Variants in MNAT1 observed in about 807,000 individuals in gnomAD.
The protein encoded by MNAT1 is CDK-activating kinase assembly factor MAT1.
In MNAT1, 43 loss-of-function variants were observed where a neutral mutation model predicts 42.0. The observed-to-expected ratio is 1.02, with a 90% CI of 0.80 to 1.32. MNAT1 has a LOEUF of 1.32. Ranked by LOEUF, MNAT1 falls within the 40% of genes most tolerant of loss-of-function variation. The probability of loss-of-function intolerance (pLI) is 0.00; values close to 1 mark genes in which losing one functional copy is unlikely to be tolerated. For synonymous variants in MNAT1, 118 were observed against 120.0 expected (o/e 0.98, Z 0.11); for missense variants, 306 against 350.4 (o/e 0.87, Z 1.01).
intron 1 of MNAT1, among the ~76,000 whole-genome samples, chr14:60,736,452 A>G (rs1896312360): frequency 6.6e-6 from 1 of 152,206 alleles, no homozygotes; most frequent in Non-Finnish European, 1.5e-5. Flanking sequence ...TATTTATTTT[A>G]ATTGAAATTG....
chr14:60,762,721 A>AAG (rs1179831670), intron 1 of MNAT1, among the ~76,000 whole-genome samples: 17 of 151,318 alleles, frequency 1.1e-4, no homozygotes, highest in Admixed American at 1.3e-4. Flanking sequence ...AAAAAAAAAA[A>AAG]AAAAGACATT....
intron 6 of MNAT1, among the ~76,000 whole-genome samples, chr14:60,837,795 T>G (rs995122054): frequency 2.0e-5 from 3 of 152,238 alleles, no homozygotes; most frequent in African/African-American, 7.2e-5. Context: ...CTAGGACTTA[T>G]GACTCTTAGG....
rs1178293547 is a variant in MNAT1, at chr14:60,761,762, T to G, written c.89+26811T>G. Among the ~76,000 whole-genome samples, 4 of 152,328 alleles carry G rather than the reference T, an allele frequency of 2.6e-5. No homozygotes were observed. The East Asian group carries it at 7.7e-4, about 29-fold the overall frequency. ...CATATTCATAGTTACAGAATGATCT[T>G]ATCTTTTGCCCTAGTAATTAGGTTT... On this transcript the variant is annotated intron_variant, in intron 1 of 7. Coordinates refer to ENST00000261245, the MANE Select transcript of MNAT1 (RefSeq NM_002431.4).
intron 7 of MNAT1, among the ~76,000 whole-genome samples, chr14:60,927,817 C>T (rs2035797359): frequency 6.6e-6 from 1 of 152,014 alleles, no homozygotes; most frequent in African/African-American, 2.4e-5. Context: ...CTGCATTTAC[C>T]CAATGAGTAT....
At position 60,752,285 on chromosome 14, in the gene MNAT1, T is replaced by C. The variant is rs145093857; in HGVS notation, c.89+17334T>C. On this transcript the variant is annotated intron_variant, in intron 1 of 7. Coordinates refer to ENST00000261245, the MANE Select transcript of MNAT1 (RefSeq NM_002431.4). ...CCAGATGCTGTATTTTTGAGATCTA[T>C]TGGAGCATAAGTGAGGACCAGTTAA... Among the ~76,000 whole-genome samples, 8 of 152,350 alleles carry C rather than the reference T, an allele frequency of 5.3e-5. No individual in the cohort carries two copies. In the East Asian group the frequency reaches 1.3e-3, roughly 26 times the overall value.
intron 6 of MNAT1, among the ~76,000 whole-genome samples, chr14:60,870,561 A>G (rs2034306018): frequency 6.6e-6 from 1 of 151,852 alleles, no homozygotes; most frequent in South Asian, 2.1e-4. Context: ...ATTCCCCCAC[A>G]CCCATTTCTT....
intron 7 of MNAT1, among the ~76,000 whole-genome samples, chr14:60,932,082 A>G (rs2035899225): frequency 6.6e-6 from 1 of 151,972 alleles, no homozygotes; most frequent in African/African-American, 2.4e-5. Flanking sequence ...TCAATTTTAT[A>G]TTATCAAGTT....
intron 7 of MNAT1, among the ~76,000 whole-genome samples, chr14:60,941,755 A>T (rs1352167024): frequency 1.3e-5 from 2 of 151,700 alleles, no homozygotes; most frequent in African/African-American, 4.8e-5. Context: ...CTGTAATCCC[A>T]GCACTTTGGG....
At chr14:60,751,087 C>T (rs984895867) in intron 1 of MNAT1, among the ~76,000 whole-genome samples, 1 of 151,524 alleles carries the variant, frequency 6.6e-6, no homozygotes, top group African/African-American at 2.4e-5. Context: ...TTTTATGTCT[C>T]CCTCCACCTT....
chr14:60,849,080 C>G (rs925050138), intron 6 of MNAT1, among the ~76,000 whole-genome samples: 2 of 152,134 alleles, frequency 1.3e-5, no homozygotes, highest in Admixed American at 1.3e-4. Flanking sequence ...AGGACAAAAA[C>G]AGATGGAAAG....
chr14:60,913,563 C>T lies in MNAT1; in HGVS notation c.809+33728C>T, dbSNP rs58073559. Among the ~76,000 whole-genome samples the T allele has an allele frequency of 2.6e-3, 398 of 152,300 alleles. 1 individual carries two copies. The highest frequency in any genetic ancestry group is 9.1e-3 in the African/African-American group (379 of 41,550). On this transcript the variant is annotated intron_variant, in intron 7 of 7. Coordinates refer to ENST00000261245, the MANE Select transcript of MNAT1 (RefSeq NM_002431.4). Reference sequence around the variant, plus strand: ...TTCTAACAGTCAGGACCCTCAGCTGCAGGTCTGTTGGAGTTTACTGGAGGT... The same window carrying T: ...TTCTAACAGTCAGGACCCTCAGCTGTAGGTCTGTTGGAGTTTACTGGAGGT...
At chr14:60,867,204 A>G (rs1169776548) in intron 6 of MNAT1, among the ~76,000 whole-genome samples, 1 of 152,134 alleles carries the variant, frequency 6.6e-6, no homozygotes, top group African/African-American at 2.4e-5. Context: ...GATGTTTTCA[A>G]GCATATCATG....
intron 6 of MNAT1, among the ~76,000 whole-genome samples, chr14:60,873,503 C>G (rs1030401879): frequency 6.6e-6 from 1 of 152,090 alleles, no homozygotes; most frequent in Non-Finnish European, 1.5e-5. Flanking sequence ...AGATCTTGCT[C>G]TGACACTCAT....
intron 7 of MNAT1, among the ~76,000 whole-genome samples, chr14:60,960,445 T>C (rs1005786112): frequency 2.3e-4 from 35 of 152,350 alleles, no homozygotes; most frequent in Admixed American, 1.3e-4. Context: ...AAATACCATC[T>C]AAATTCTGGT....
chr14:60,837,510 A>G (rs1280795020), intron 6 of MNAT1, among the ~76,000 whole-genome samples: 5 of 152,136 alleles, frequency 3.3e-5, no homozygotes, highest in African/African-American at 9.7e-5. Context: ...GGGTGAGGCG[A>G]TGCCCCATCC....
At chr14:60,746,923 TACACACACACACACACACACACAC>T (rs61278549) in intron 1 of MNAT1, among the ~76,000 whole-genome samples, 354 of 25,516 alleles carry the variant, frequency 0.014, 27 homozygotes, top group Middle Eastern at 0.048. Flanking sequence ...TATATATATA[TACACACACACACACACACACACAC>T]ACACACACAC....
intron 7 of MNAT1, among the ~76,000 whole-genome samples, chr14:60,917,178 A>C (rs1399068097): frequency 6.6e-6 from 1 of 152,152 alleles, no homozygotes; most frequent in African/African-American, 2.4e-5. Flanking sequence ...TCTAAGGGAA[A>C]TTATGTATGA....
At chr14:60,736,417 G>A (rs893246699) in intron 1 of MNAT1, among the ~76,000 whole-genome samples, 1 of 152,014 alleles carries the variant, frequency 6.6e-6, no homozygotes, top group African/African-American at 2.4e-5. Context: ...AACATAAATG[G>A]CATTTTAATT....
intron 6 of MNAT1, among the ~76,000 whole-genome samples, chr14:60,827,385 A>G (rs973294265): frequency 6.6e-6 from 1 of 152,178 alleles, no homozygotes; most frequent in Non-Finnish European, 1.5e-5. Context: ...TCTGAGTGCA[A>G]CAGATAGTAT....
Sources: allele counts gnomAD v4.1 joint callset (sites outside exome capture counted in the v4.1 genomes callset), GRCh38; gene constraint gnomAD v4.1.1; transcripts MANE v1.5; gene names NCBI Gene and HGNC (gene_info 2026-07-23, HGNC 2026-07-21).